Variants in PRSS23 observed in about 807,000 individuals in gnomAD.
PRSS23 encodes the protein serine protease 23, also known as protease, serine 23.
Under a neutral mutation model 34.7 loss-of-function variants are expected in PRSS23, and 25 were observed. The observed-to-expected ratio is 0.72, with a 90% CI of 0.53 to 1.01. The LOEUF (loss-of-function observed/expected upper bound fraction) is 1.01, where lower values mean the gene tolerates loss of function less well. Ranked by LOEUF, PRSS23 falls within the 50% of genes least tolerant of loss-of-function variation. PRSS23 has a pLI of 0.00. For missense variants in PRSS23, 445 were observed against 475.6 expected, an observed-to-expected ratio of 0.94 and a Z score of 0.60; for synonymous variants, 176 against 186.6, an observed-to-expected ratio of 0.94 and a Z score of 0.46.
At chr11:86,939,574 A>T (rs1949193341) in intron 2 of PRSS23, among the ~76,000 whole-genome samples, 1 of 151,078 alleles carries the variant, frequency 6.6e-6, no homozygotes, top group South Asian at 2.1e-4. Flanking sequence ...GTAAATATAC[A>T]TCTTACAGGA....
At chr11:86,838,951 A>G (rs1948426918) in intron 2 of PRSS23, among the ~76,000 whole-genome samples, 3 of 152,188 alleles carry the variant, frequency 2.0e-5, no homozygotes. Context: ...CATCAACAAA[A>G]AGGACATCCA....
chr11:86,829,004 T>C (rs561372446), intron 2 of PRSS23, among the ~76,000 whole-genome samples: 30 of 152,342 alleles, frequency 2.0e-4, no homozygotes, highest in African/African-American at 7.2e-4. Flanking sequence ...AGTATCTTTG[T>C]GGCGTTCTCT....
intron 2 of PRSS23, among the ~76,000 whole-genome samples, chr11:86,838,524 A>T (rs1318151901): frequency 1.3e-5 from 2 of 152,170 alleles, no homozygotes; most frequent in African/African-American, 4.8e-5. Flanking sequence ...GCCTCTCTAG[A>T]TTTCACTTCT....
intron 2 of PRSS23, among the ~76,000 whole-genome samples, chr11:86,829,097 T>G (rs1948328663): frequency 6.6e-6 from 1 of 152,266 alleles, no homozygotes; most frequent in African/African-American, 2.4e-5. Flanking sequence ...ATTTTCCAAC[T>G]TGGTTCCATT....
rs1948143062 is a variant in PRSS23, at chr11:86,808,879, C to T, written c.*84C>T. The T allele has an allele frequency of 2.7e-6, 3 of 1,121,938 alleles. No homozygotes were observed. The highest frequency in any genetic ancestry group is 1.6e-5 in the African/African-American group (1 of 61,712). 69.5% of individuals were successfully genotyped at this position (1,121,938 alleles called of 1,614,324 possible). A position where few individuals can be genotyped will look rare whatever the true frequency, so the allele number is the denominator to read the frequency against. On this transcript the variant is annotated 3_prime_UTR_variant, in exon 2 of 2. Coordinates refer to ENST00000280258, the MANE Select transcript of PRSS23 (RefSeq NM_007173.6). ...CAAATTGTTTTTTGTCATTGGCGTG[C>T]ACACGTGTGTGTGTGTGTGTGTGTG...
At chr11:86,848,496 C>G (rs989522740) in intron 2 of PRSS23, among the ~76,000 whole-genome samples, 1 of 152,116 alleles carries the variant, frequency 6.6e-6, no homozygotes, top group African/African-American at 2.4e-5. Flanking sequence ...TAGGAGAAAG[C>G]CTATGAACTA....
chr11:86,945,502 G>C (rs1255226458), intron 2 of PRSS23, among the ~76,000 whole-genome samples: 4 of 152,144 alleles, frequency 2.6e-5, no homozygotes, highest in Non-Finnish European at 5.9e-5. Flanking sequence ...GTGGGGGTTT[G>C]CTGACGCAGG....
downstream of PRSS23, among the ~76,000 whole-genome samples, chr11:86,815,890 G>T (rs917814227): frequency 7.9e-5 from 12 of 152,100 alleles, no homozygotes; most frequent in African/African-American, 2.9e-4. Context: ...CTTTAACTAT[G>T]ACAGCAGATT....
intron 1 of PRSS23, among the ~76,000 whole-genome samples, chr11:86,806,280 C>G (rs1160365513): frequency 6.6e-6 from 1 of 152,202 alleles, no homozygotes; most frequent in Non-Finnish European, 1.5e-5. Context: ...TGCACAGACT[C>G]TTGTTTCCCT....
rs1590909264 is a variant in PRSS23, at chr11:86,879,239, C to T, written c.206+55646C>T. 5.3e-5 allele frequency among the ~76,000 whole-genome samples: 8 copies of T among 150,080 alleles called. 1 individual carries two copies. Among genetic ancestry groups the T allele is most frequent in the Admixed American group, 5.3e-4 (8 of 15,176 alleles). The stretch of plus-strand genomic sequence containing the variant: ...GGGGAGCGCCTCTGCCCCGCCGCCC[C>T]GTCTGGGATGTGAGGAGCGCCTCTA... On this transcript the variant is annotated intron_variant, in intron 2 of 2. Coordinates refer to the PRSS23 transcript ENST00000533902.
At chr11:86,921,306 A>C (rs371287416) in intron 2 of PRSS23, 1 of 152,236 alleles carries the variant, frequency 6.6e-6, no homozygotes, top group Non-Finnish European at 1.5e-5. Context: ...AGCCCCACGC[A>C]GGCAGATTCA....
chr11:86,814,174 A>C (rs1948199104), downstream of PRSS23, among the ~76,000 whole-genome samples: 2 of 152,236 alleles, frequency 1.3e-5, no homozygotes, highest in African/African-American at 4.8e-5. Context: ...GCCAATGTCA[A>C]ATGAACTATA....
chr11:86,870,588 G>A lies in PRSS23; in HGVS notation c.206+46995G>A, dbSNP rs1172863458. Among the ~76,000 whole-genome samples the A allele has an allele frequency of 4.6e-5, 7 of 152,204 alleles. No homozygotes were observed. In the East Asian group the frequency reaches 5.8e-4, roughly 13 times the overall value. On this transcript the variant is annotated intron_variant, in intron 2 of 2. Transcript: ENST00000533902. ...TTTTGACCTTTATATTTTCAAAAGC[G>A]TTTTTCAATCCTTTTCATACTCTTC...
At chr11:86,845,461 CACCTACAATA>C (rs1377628740) in intron 2 of PRSS23, among the ~76,000 whole-genome samples, 1 of 152,118 alleles carries the variant, frequency 6.6e-6, no homozygotes, top group Non-Finnish European at 1.5e-5. Context: ...ATGCAGTGGG[CACCTACAATA>C]GGTTTAATCA....
Position 86,807,799 on chromosome 11 carries a change from C to G in PRSS23, c.156C>G (p.Asp52Glu). The change falls in exon 2 of 2, where the codon GAC becomes GAG. Residue 52 changes from aspartate to glutamate, a missense_variant. Coordinates refer to ENST00000280258, the MANE Select transcript of PRSS23 (RefSeq NM_007173.6). ...PQSTLNLAKPDFGAEAKLEVS... is the reference protein window; with the variant it reads ...PQSTLNLAKPEFGAEAKLEVS... ...CTACCCTCAATTTAGCCAAGCCAGA[C>G]TTTGGAGCCGAAGCCAAATTAGAAG... The G allele has an allele frequency of 6.2e-7, 1 of 1,614,202 alleles. No homozygotes were observed.
chr11:86,939,437 TG>T (rs1949192130), intron 2 of PRSS23, among the ~76,000 whole-genome samples: 2 of 131,152 alleles, frequency 1.5e-5, no homozygotes, highest in Admixed American at 8.1e-5. Flanking sequence ...TTTTTTAACA[TG>T]AGTAAAAATT....
At chr11:86,890,816 C>T (rs74605922) in intron 2 of PRSS23, among the ~76,000 whole-genome samples, 65 of 152,302 alleles carry the variant, frequency 4.3e-4, no homozygotes, top group African/African-American at 1.5e-3. Context: ...TCCAGCCCAC[C>T]ACCACTGGAC....
At chr11:86,850,310 A>G (rs1173088907) in intron 2 of PRSS23, among the ~76,000 whole-genome samples, 2 of 152,144 alleles carry the variant, frequency 1.3e-5, no homozygotes, top group Admixed American at 1.3e-4. Flanking sequence ...CCTCTGGAGG[A>G]CACCACAACT....
downstream of PRSS23, among the ~76,000 whole-genome samples, chr11:86,812,088 A>G (rs1948182632): frequency 1.3e-5 from 2 of 152,144 alleles, no homozygotes; most frequent in Non-Finnish European, 2.9e-5. Context: ...TCAGAATGGG[A>G]TTCTTTTGAG....
Sources: allele counts gnomAD v4.1 joint callset (sites outside exome capture counted in the v4.1 genomes callset), GRCh38; gene constraint gnomAD v4.1.1; transcripts MANE v1.5; gene names NCBI Gene and HGNC (gene_info 2026-07-23, HGNC 2026-07-21).